PACRG: variants seen among roughly 807,000 people sequenced by gnomAD.
PACRG encodes the protein parkin coregulated.
A neutral mutation model predicts 29.7 loss-of-function variants in PACRG; 29 were observed. The ratio of observed to expected loss-of-function variants is 0.98; its 90% CI spans 0.73 to 1.33. The LOEUF (loss-of-function observed/expected upper bound fraction) is 1.33, where lower values mean the gene tolerates loss of function less well. PACRG is among the 40% of genes most tolerant of loss of function. The pLI is 0.00. For missense variants in PACRG, 279 were observed against 316.2 expected (o/e 0.88, Z 0.89); for synonymous variants, 116 against 118.7 (o/e 0.98, Z 0.15).
At chr6:162,978,180 C>A (rs974108400) in intron 2 of PACRG, among the ~76,000 whole-genome samples, 5 of 151,998 alleles carry the variant, frequency 3.3e-5, no homozygotes, top group Non-Finnish European at 5.9e-5. Context: ...CATAAATAGC[C>A]CCCAAACTAT....
In PACRG at chr6:163,192,272, T is replaced by G. The variant is rs77681057; in HGVS notation, c.613+102864T>G. On this transcript the variant is annotated intron_variant, in intron 4 of 4. Transcript: ENST00000366888. ...CTTAAAGTATTATTTTTGCAAAGAATGCAAGGATTATTTCAGTTCCCTTGT... is the reference window on the plus strand; with the variant it reads ...CTTAAAGTATTATTTTTGCAAAGAAGGCAAGGATTATTTCAGTTCCCTTGT... Among the ~76,000 whole-genome samples, 1,064 of 152,368 alleles carry G rather than the reference T, an allele frequency of 7.0e-3. 9 individuals are homozygous for G. Among genetic ancestry groups the G allele is most frequent in the African/African-American group, 0.025 (1,029 of 41,592 alleles).
intron 4 of PACRG, among the ~76,000 whole-genome samples, chr6:163,116,539 C>T (rs1301000742): frequency 6.6e-6 from 1 of 152,120 alleles, no homozygotes; most frequent in East Asian, 1.9e-4. Flanking sequence ...GTGTGCAGAG[C>T]GCTCTTGGTT....
At chr6:162,743,474 A>G (rs892300856) in intron 1 of PACRG, among the ~76,000 whole-genome samples, 21 of 152,114 alleles carry the variant, frequency 1.4e-4, no homozygotes, top group Admixed American at 2.6e-4. Flanking sequence ...ACATTTTAGT[A>G]TGACCAATAT....
intron 1 of PACRG, among the ~76,000 whole-genome samples, chr6:162,791,532 T>C (rs1297288747): frequency 6.6e-6 from 1 of 151,984 alleles, no homozygotes; most frequent in Non-Finnish European, 1.5e-5. Context: ...TGCAGGAGAG[T>C]AGGATTCCTA....
intron 4 of PACRG, among the ~76,000 whole-genome samples, chr6:163,296,914 TG>T (rs1784797913): frequency 6.6e-6 from 1 of 152,060 alleles, no homozygotes; most frequent in Non-Finnish European, 1.5e-5. Flanking sequence ...TAAAGGGACA[TG>T]AAAAAAGTAA....
At chr6:163,260,527 G>T (rs1397947012) in intron 4 of PACRG, among the ~76,000 whole-genome samples, 1 of 152,142 alleles carries the variant, frequency 6.6e-6, no homozygotes, top group African/African-American at 2.4e-5. Context: ...GTAGAAAACC[G>T]TGCCTAGCTG....
At position 162,913,887 on chromosome 6, in the gene PACRG, AGT is replaced by A. The variant is rs376531577; in HGVS notation, c.291+99609_291+99610del. The stretch of plus-strand genomic sequence containing the variant: ...TGTGCTTATATATCTTCTTTTGTGA[AGT>A]GTCTGCTCAAATATTTTGTCCATTT... On this transcript the variant is annotated intron_variant, in intron 2 of 4. Coordinates refer to ENST00000366888, the MANE Select transcript of PACRG (RefSeq NM_001080379.2). 3.8e-3 allele frequency among the ~76,000 whole-genome samples: 582 copies of A among 152,210 alleles called. 4 individuals are homozygous for A. Among genetic ancestry groups the A allele is most frequent in the African/African-American group, 0.013 (559 of 41,536 alleles).
At chr6:162,932,757 G>T (rs892015943) in intron 2 of PACRG, among the ~76,000 whole-genome samples, 1 of 151,298 alleles carries the variant, frequency 6.6e-6, no homozygotes, top group African/African-American at 2.4e-5. Context: ...TACTTATTTG[G>T]CTCTTCTCTC....
At chr6:162,892,712 G>A (rs913901375) in intron 2 of PACRG, among the ~76,000 whole-genome samples, 1 of 152,194 alleles carries the variant, frequency 6.6e-6, no homozygotes, top group East Asian at 1.9e-4. Flanking sequence ...AATGGTGGCC[G>A]TGACAGGCCT....
chr6:162,845,113 C>T (rs888662823), intron 2 of PACRG, among the ~76,000 whole-genome samples: 11 of 151,752 alleles, frequency 7.2e-5, no homozygotes, highest in South Asian at 2.1e-4. Flanking sequence ...TCGAAAGCAG[C>T]CCAAATAGCC....
chr6:163,312,146 G>A lies in PACRG; in HGVS notation c.614-2681G>A, dbSNP rs556312969. Among the ~76,000 whole-genome samples, 67 of 152,144 alleles carry A rather than the reference G, an allele frequency of 4.4e-4. 1 individual carries two copies. The highest frequency in any genetic ancestry group is 6.3e-3 in the Middle Eastern group (2 of 316). The stretch of plus-strand genomic sequence containing the variant: ...AATGGGCTCTGTCCTATGCAAACAG[G>A]CCATGCCACCTTCTCCCTAGGTCCA... On this transcript the variant is annotated intron_variant, in intron 4 of 4. Transcript: ENST00000366888.
At chr6:162,736,381 A>T (rs1252015066) in intron 1 of PACRG, among the ~76,000 whole-genome samples, 5 of 152,296 alleles carry the variant, frequency 3.3e-5, no homozygotes, top group Non-Finnish European at 5.9e-5. Context: ...GCTCACAGAA[A>T]TGTGTAGATT....
intron 2 of PACRG, among the ~76,000 whole-genome samples, chr6:163,017,322 A>C (rs1020313973): frequency 6.6e-6 from 1 of 152,156 alleles, no homozygotes; most frequent in Non-Finnish European, 1.5e-5. Context: ...TTTTTACTAC[A>C]CTTACATTAC....
chr6:162,821,144 G>T (rs888132325), intron 2 of PACRG, among the ~76,000 whole-genome samples: 1 of 152,144 alleles, frequency 6.6e-6, no homozygotes, highest in Non-Finnish European at 1.5e-5. Context: ...CTGCTGAATG[G>T]GCTGGTGCTC....
intron 2 of PACRG, among the ~76,000 whole-genome samples, chr6:163,025,785 G>C (rs1226454010): frequency 2.6e-5 from 4 of 152,248 alleles, no homozygotes; most frequent in Non-Finnish European, 5.9e-5. Flanking sequence ...CGCAGCCTCA[G>C]AGCTGAGCTG....
intron 4 of PACRG, among the ~76,000 whole-genome samples, chr6:163,103,073 T>C (rs1815189527): frequency 6.6e-6 from 1 of 152,198 alleles, no homozygotes; most frequent in Non-Finnish European, 1.5e-5. Context: ...ATTTAGCCGC[T>C]TAGGACAACA....
intron 2 of PACRG, among the ~76,000 whole-genome samples, chr6:162,968,508 A>T (rs983394211): frequency 6.6e-6 from 1 of 152,186 alleles, no homozygotes; most frequent in African/African-American, 2.4e-5. Context: ...TTTGAAAGGC[A>T]TATGTTTTAC....
intron 2 of PACRG, among the ~76,000 whole-genome samples, chr6:162,857,687 T>TG (rs930549416): frequency 3.0e-4 from 46 of 152,158 alleles, no homozygotes; most frequent in African/African-American, 1.1e-3. Context: ...ATTTGAAAAA[T>TG]GCTTAGTAAA....
At chr6:162,861,378 A>G (rs1791847427) in intron 2 of PACRG, among the ~76,000 whole-genome samples, 1 of 152,246 alleles carries the variant, frequency 6.6e-6, no homozygotes, top group Non-Finnish European at 1.5e-5. Context: ...AAGAATGGGA[A>G]TACAATAAAA....
Sources: gnomAD v4.1 joint callset for allele counts (sites outside exome capture counted in the v4.1 genomes callset) on GRCh38, gnomAD v4.1.1 for gene constraint, MANE v1.5 for transcripts, NCBI Gene and HGNC (gene_info 2026-07-23, HGNC 2026-07-21) for gene names.